The following IL4I1 variants were observed in gnomAD, a reference collection of about 807,000 sequenced individuals.
IL4I1 encodes the protein L-amino-acid oxidase.
IL4I1 carries 24 observed loss-of-function variants against 29.7 expected under a neutral mutation model. That is an observed-to-expected ratio of 0.81 (90% CI 0.59 to 1.14). The LOEUF is 1.14. IL4I1 is among the 50% of genes most tolerant of loss of function. The pLI is 0.00. For synonymous variants in IL4I1, 371 were observed against 352.5 expected (o/e 1.05, Z -0.59); for missense variants, 686 against 785.6 (o/e 0.87, Z 1.52).
Position 49,921,371 on chromosome 19 carries a change from G to A in IL4I1, c.-228+6323C>T, listed in dbSNP as rs185095646. 2.8e-3 allele frequency among the ~76,000 whole-genome samples: 423 copies of A among 151,888 alleles called. 3 individuals are homozygous for A. Among genetic ancestry groups the A allele is most frequent in the African/African-American group, 9.4e-3 (389 of 41,430 alleles). On this transcript the variant is annotated intron_variant, in intron 2 of 9. Transcript: ENST00000341114. The surrounding 1 kb of genome is among the most constrained non-coding windows in gnomAD (Gnocchi z 5.4). ...GCTCCCCACTGCCACCACCATCACCGTCCCCTGCCTCATCCAGTCCCCCTT... is the reference window on the plus strand; with the variant it reads ...GCTCCCCACTGCCACCACCATCACCATCCCCTGCCTCATCCAGTCCCCCTT...
intron 2 of IL4I1, among the ~76,000 whole-genome samples, chr19:49,925,950 C>T (rs1486552986): frequency 2.0e-5 from 3 of 152,160 alleles, no homozygotes; most frequent in Non-Finnish European, 4.4e-5. Context: ...GTGGCTCACA[C>T]CTGTAATCCC....
chr19:49,895,885 C>G lies in IL4I1; in HGVS notation c.182G>C (p.Arg61Thr). ...WGLNRTLKPQ[R>T]VIVVGAGVAG... ...CACACCAGCGCCAACCACAATCACC[C>G]TCTGGGGCTTCAGGGTCCGATTGAG... is the stretch of plus-strand genomic sequence containing the variant. The change falls in exon 3 of 8, where the codon AGG becomes ACG. Residue 61 changes from arginine (R) to threonine (T), a missense_variant. Physicochemically the swap from Arg to Thr is moderately conservative, Grantham distance 71. Transcript: ENST00000391826. 1 of 1,614,234 alleles carries G rather than the reference C, an allele frequency of 6.2e-7. No individual in the cohort carries two copies. Among genetic ancestry groups the G allele is most frequent in the East Asian group, 2.2e-5 (1 of 44,892 alleles).
At chr19:49,925,560 T>A (rs1470478154) in intron 2 of IL4I1, among the ~76,000 whole-genome samples, 1 of 152,152 alleles carries the variant, frequency 6.6e-6, no homozygotes, top group Non-Finnish European at 1.5e-5. Context: ...AACCAGCATT[T>A]TTCCAAACTG....
chr19:49,926,022 A>C (rs935877744), intron 2 of IL4I1, among the ~76,000 whole-genome samples: 2 of 152,026 alleles, frequency 1.3e-5, no homozygotes, highest in Non-Finnish European at 1.5e-5. Context: ...CAGCCTGACC[A>C]ACATGGTGAA....
At chr19:49,923,075 C>CTT (rs34122194) in intron 2 of IL4I1, among the ~76,000 whole-genome samples, 8 of 151,216 alleles carry the variant, frequency 5.3e-5, no homozygotes, top group African/African-American at 1.2e-4. Flanking sequence ...TGCTGTGTCC[C>CTT]TTTTTTTTTG....
chr19:49,909,058 A>C, intron 2 of IL4I1: 1 of 1,612,970 alleles, frequency 6.2e-7, no homozygotes, highest in Non-Finnish European at 8.5e-7. Context: ...GTGTCCCAGC[A>C]GTGGGGGCGC....
intron 2 of IL4I1, among the ~76,000 whole-genome samples, chr19:49,912,619 T>G (rs2075500685): frequency 6.6e-6 from 1 of 152,110 alleles, no homozygotes; most frequent in Non-Finnish European, 1.5e-5. Context: ...ATCCCAGCAC[T>G]TTGGGAGGCT....
upstream of IL4I1, chr19:49,901,516 A>G (rs548963713): frequency 2.4e-5 from 13 of 550,496 alleles, no homozygotes; most frequent in Admixed American, 3.7e-4. Context: ...GGACTCAGGG[A>G]TCGGAGGACA....
At chr19:49,914,640 A>ACCC (rs935649605) in intron 2 of IL4I1, among the ~76,000 whole-genome samples, 1 of 149,766 alleles carries the variant, frequency 6.7e-6, no homozygotes, top group Admixed American at 6.7e-5. Flanking sequence ...ATCTGTGAGA[A>ACCC]CCAGGGTTCT....
At chr19:49,923,404 G>T (rs79342675) in intron 2 of IL4I1, among the ~76,000 whole-genome samples, 1 of 152,198 alleles carries the variant, frequency 6.6e-6, no homozygotes, top group East Asian at 1.9e-4. Flanking sequence ...AGCACAGGGC[G>T]GGGGGTTGTG....
At chr19:49,927,058 A>C (rs1189378748) in intron 2 of IL4I1, among the ~76,000 whole-genome samples, 2 of 152,038 alleles carry the variant, frequency 1.3e-5, no homozygotes, top group African/African-American at 4.8e-5. Flanking sequence ...ACAGGGTTTC[A>C]CCATGTTGCC....
rs571463895 is a variant in IL4I1, at chr19:49,890,754, C to G, written c.774-154G>C. On this transcript the variant is annotated intron_variant, in intron 7 of 7. Coordinates refer to ENST00000391826, the MANE Select transcript of IL4I1 (RefSeq NM_152899.2). ...CCGACCCCGCCCGTCCCTGACATCC[C>G]AAAGGCCGCAGGAGTAGTGGATTGT... Among the ~76,000 whole-genome samples, 340 of 152,074 alleles carry G rather than the reference C, an allele frequency of 2.2e-3. 3 individuals are homozygous for G. Among genetic ancestry groups the G allele is most frequent in the Non-Finnish European group, 3.9e-3 (262 of 67,956 alleles).
At chr19:49,923,721 T>C (rs1433026779) in intron 2 of IL4I1, among the ~76,000 whole-genome samples, 2 of 152,250 alleles carry the variant, frequency 1.3e-5, no homozygotes, top group Non-Finnish European at 2.9e-5. Flanking sequence ...CCGTCTGCAA[T>C]GGACCATCTC....
At chr19:49,908,846 C>A (rs766750131) in intron 2 of IL4I1, 1 of 1,612,386 alleles carries the variant, frequency 6.2e-7, no homozygotes, top group Non-Finnish European at 8.5e-7. Context: ...GGCAGCCGCC[C>A]CTGCAGCTGC....
intron 2 of IL4I1, among the ~76,000 whole-genome samples, chr19:49,923,551 C>T (rs1152234): frequency 1.3e-5 from 2 of 152,142 alleles, no homozygotes; most frequent in African/African-American, 4.8e-5. Flanking sequence ...GAATCACACA[C>T]AGACCCGGGC....
intron 2 of IL4I1, among the ~76,000 whole-genome samples, chr19:49,913,789 T>C (rs1384567802): frequency 1.3e-5 from 2 of 152,342 alleles, no homozygotes; most frequent in Non-Finnish European, 2.9e-5. Context: ...TCTTGGGGAC[T>C]GTGGGCCACG....
rs2075102770 is a variant in IL4I1 at position 49,889,738 on chromosome 19, C to T, written c.1636G>A (p.Gly546Ser). Residue 546 changes from glycine (G) to serine (S), a missense_variant, in exon 8 of 8, where the codon GGC becomes AGC. By Grantham distance (56) the Gly-to-Ser change is moderately conservative. Coordinates refer to ENST00000391826, the MANE Select transcript of IL4I1 (RefSeq NM_152899.2). ...SPSHDLAKEE[G>S]SHPPVQGQLS... ...TGGCCTTGGACTGGAGGGTGGCTGCCTTCTTCCTTTGCCAGGTCATGCGAG... is the reference window on the plus strand; with the variant it reads ...TGGCCTTGGACTGGAGGGTGGCTGCTTTCTTCCTTTGCCAGGTCATGCGAG... 3 of 1,517,246 alleles carry T rather than the reference C, an allele frequency of 2.0e-6. No individual in the cohort carries two copies. Among genetic ancestry groups the T allele is most frequent in the South Asian group, 2.6e-5 (2 of 75,606 alleles). 94.0% of individuals were successfully genotyped at this position (1,517,246 alleles called of 1,614,324 possible).
chr19:49,908,218 G>A (rs764355720), intron 2 of IL4I1: 11 of 1,610,818 alleles, frequency 6.8e-6, no homozygotes, highest in Admixed American at 3.3e-5. Flanking sequence ...AGGGACCTGC[G>A]GGCCCCAGGG....
Position 49,908,943 on chromosome 19 carries a change from C to T in IL4I1, c.-227-4622G>A, listed in dbSNP as rs773398011. On this transcript the variant is annotated intron_variant, in intron 2 of 9. Transcript: ENST00000341114. ...AGTGGTTTTAAATTCAAGGCAAAGC[C>T]GGTGGTGCTGCTGCTGCTGGTGGTG... is the stretch of plus-strand genomic sequence containing the variant. The T allele has an allele frequency of 2.6e-5, 42 of 1,608,996 alleles. No individual in the cohort carries two copies. The highest frequency in any genetic ancestry group is 1.7e-4 in the Admixed American group (10 of 59,864).
Sources: allele counts gnomAD v4.1 joint callset (sites outside exome capture counted in the v4.1 genomes callset), GRCh38; gene constraint gnomAD v4.1.1; non-coding constraint Gnocchi (gnomAD v3.1); transcripts MANE v1.5; gene names NCBI Gene and HGNC (gene_info 2026-07-23, HGNC 2026-07-21).